The following SKAP1 variants were observed in gnomAD, a reference collection of about 807,000 sequenced individuals.
SKAP1 encodes src kinase-associated phosphoprotein 1.
SKAP1 carries 44 observed loss-of-function variants against 58.5 expected under a neutral mutation model. That is an observed-to-expected ratio of 0.75 (90% CI 0.59 to 0.97). The LOEUF is 0.97. SKAP1 is among the 50% of genes least tolerant of loss of function. The pLI, the probability that SKAP1 is intolerant of heterozygous loss-of-function variation, is 0.00. For missense variants in SKAP1, 390 were observed against 435.2 expected (o/e 0.90, Z 0.92); for synonymous variants, 127 against 149.7 (o/e 0.85, Z 1.11).
At chr17:48,180,672 C>T (rs1169410739) in intron 8 of SKAP1, among the ~76,000 whole-genome samples, 1 of 152,122 alleles carries the variant, frequency 6.6e-6, no homozygotes, top group East Asian at 1.9e-4. Context: ...CTAAGGTGGC[C>T]TCTGTAGGGT....
chr17:48,441,697 T>A, the SKAP1 span, among the ~76,000 whole-genome samples: 1 of 152,120 alleles, frequency 6.6e-6, no homozygotes, highest in Non-Finnish European at 1.5e-5. Flanking sequence ...TTGGCTGGTG[T>A]CCAACACAAA....
chr17:48,289,261 C>A (rs1443405803), intron 4 of SKAP1, among the ~76,000 whole-genome samples: 2 of 151,864 alleles, frequency 1.3e-5, no homozygotes, highest in Non-Finnish European at 2.9e-5. Flanking sequence ...TGAGTAATAT[C>A]ATATTCAAAG....
intron 11 of SKAP1, 62 bp from the exon 12 acceptor site, chr17:48,137,399 T>C: frequency 8.9e-7 from 1 of 1,125,438 alleles, no homozygotes; most frequent in Non-Finnish European, 1.4e-6. Context: ...TCATTTATTC[T>C]AGTGATTGCA....
intron 4 of SKAP1, among the ~76,000 whole-genome samples, chr17:48,264,111 T>C (rs1204194622): frequency 1.3e-5 from 2 of 151,480 alleles, no homozygotes; most frequent in African/African-American, 4.9e-5. Context: ...GGCAAGATTA[T>C]ATCTAATAAA....
intron 11 of SKAP1, among the ~76,000 whole-genome samples, chr17:48,141,080 C>T (rs1317574951): frequency 6.6e-6 from 1 of 152,126 alleles, no homozygotes; most frequent in Non-Finnish European, 1.5e-5. Flanking sequence ...AGCCACTTCG[C>T]CCAGCCCCAT....
chr17:48,309,022 A>T (rs1219538784), intron 4 of SKAP1, among the ~76,000 whole-genome samples: 1 of 152,080 alleles, frequency 6.6e-6, no homozygotes, highest in Admixed American at 6.5e-5. Flanking sequence ...GAGAGCTCTG[A>T]TCGGGGTAAC....
chr17:48,410,934 C>CAAAAAAA lies in SKAP1; in HGVS notation c.47-14156_47-14150dup, dbSNP rs61705374. On this transcript the variant is annotated intron_variant, in intron 1 of 12. Transcript: ENST00000336915. ...AGAGCGACAGAGCGAGACTCCATTT[C>CAAAAAAA]AAAAAAAAAAAAAAAAAAAAAAAGA... 4.8e-4 allele frequency among the ~76,000 whole-genome samples: 32 copies of CAAAAAAA among 66,932 alleles called. 1 individual carries two copies. Among genetic ancestry groups the CAAAAAAA allele is most frequent in the African/African-American group, 8.6e-4 (16 of 18,506 alleles). 43.9% of individuals were successfully genotyped at this position (66,932 alleles called of 152,430 possible). A position where few individuals can be genotyped will look rare whatever the true frequency, so the allele number is the denominator to read the frequency against.
intron 4 of SKAP1, among the ~76,000 whole-genome samples, chr17:48,263,923 G>C (rs894126696): frequency 6.6e-6 from 1 of 152,142 alleles, no homozygotes; most frequent in Admixed American, 6.5e-5. Flanking sequence ...AGAAAGGAGA[G>C]CAAACGAGAG....
chr17:48,159,581 C>T (rs1305405669), intron 11 of SKAP1, among the ~76,000 whole-genome samples: 1 of 152,100 alleles, frequency 6.6e-6, no homozygotes, highest in African/African-American at 2.4e-5. Flanking sequence ...TGTAACGGAC[C>T]CCAGCAAAAG....
At chr17:48,339,189 A>T (rs1254784200) in intron 4 of SKAP1, among the ~76,000 whole-genome samples, 1 of 152,252 alleles carries the variant, frequency 6.6e-6, no homozygotes, top group Non-Finnish European at 1.5e-5. Context: ...AACTTCCATT[A>T]GCTTTGACAG....
At position 48,297,365 on chromosome 17, in the gene SKAP1, T is replaced by A. The variant is rs529894075; in HGVS notation, c.280+48540A>T. 2.0e-5 allele frequency among the ~76,000 whole-genome samples: 3 copies of A among 152,296 alleles called. No homozygotes were observed. The East Asian group carries it at 5.8e-4, about 29-fold the overall frequency. On this transcript the variant is annotated intron_variant, in intron 4 of 12. Coordinates refer to ENST00000336915, the MANE Select transcript of SKAP1 (RefSeq NM_003726.4). ...TATATACATTTACTAACATTGAGATTTATTTATATAGTGCCTTTCACCAGC... is the reference window on the plus strand; with the variant it reads ...TATATACATTTACTAACATTGAGATATATTTATATAGTGCCTTTCACCAGC...
intron 4 of SKAP1, among the ~76,000 whole-genome samples, chr17:48,190,657 C>T (rs889776118): frequency 3.3e-5 from 5 of 152,030 alleles, no homozygotes; most frequent in African/African-American, 1.2e-4. Flanking sequence ...GCAAGCTGAA[C>T]TTAGCAATAA....
At chr17:48,405,489 T>A in intron 1 of SKAP1, among the ~76,000 whole-genome samples, 1 of 149,594 alleles carries the variant, frequency 6.7e-6, no homozygotes, top group African/African-American at 2.5e-5. Flanking sequence ...TTTCTTTTCT[T>A]TTCTTTCCTT....
At chr17:48,286,809 A>T (rs2065835401) in intron 4 of SKAP1, among the ~76,000 whole-genome samples, 1 of 152,212 alleles carries the variant, frequency 6.6e-6, no homozygotes, top group South Asian at 2.1e-4. Context: ...AATCATCTAG[A>T]TAATTTTCGC....
upstream of SKAP1, among the ~76,000 whole-genome samples, chr17:48,434,840 C>A (rs2067932553): frequency 6.6e-6 from 1 of 152,094 alleles, no homozygotes; most frequent in Non-Finnish European, 1.5e-5. Flanking sequence ...CACTGTTGGC[C>A]CTCCTCCATC....
chr17:48,183,311 T>C (rs1487563728), intron 7 of SKAP1, among the ~76,000 whole-genome samples: 1 of 151,878 alleles, frequency 6.6e-6, no homozygotes, highest in Non-Finnish European at 1.5e-5. Flanking sequence ...CCAAAGGATA[T>C]TGTAGAAGAA....
chr17:48,233,922 C>G (rs2065153036), intron 4 of SKAP1, among the ~76,000 whole-genome samples: 1 of 152,256 alleles, frequency 6.6e-6, no homozygotes, highest in South Asian at 2.1e-4. Flanking sequence ...TCTGCATCCC[C>G]CATGCTTATA....
chr17:48,209,039 T>C (rs1335014067), intron 4 of SKAP1, among the ~76,000 whole-genome samples: 1 of 152,144 alleles, frequency 6.6e-6, no homozygotes, highest in Non-Finnish European at 1.5e-5. Context: ...ATATGAGTAA[T>C]TTTCTATAAT....
chr17:48,337,640 C>A (rs1567873464), intron 4 of SKAP1, among the ~76,000 whole-genome samples: 1 of 152,152 alleles, frequency 6.6e-6, no homozygotes, highest in Non-Finnish European at 1.5e-5. Context: ...GCTTAATGCA[C>A]GTTATTCATA....
Sources: allele counts gnomAD v4.1 joint callset (sites outside exome capture counted in the v4.1 genomes callset), GRCh38; gene constraint gnomAD v4.1.1; transcripts MANE v1.5; gene names NCBI Gene and HGNC (gene_info 2026-07-23, HGNC 2026-07-21).